Variants in LARP4 observed in about 807,000 individuals in gnomAD.
LARP4 encodes La ribonucleoprotein 4.
Under a neutral mutation model 92.9 loss-of-function variants are expected in LARP4, and 29 were observed. The observed-to-expected ratio is 0.31, with a 90% confidence interval of 0.23 to 0.43. LARP4 has a LOEUF of 0.43. Ranked by LOEUF, LARP4 falls within the 20% of genes least tolerant of loss-of-function variation. The probability of loss-of-function intolerance (pLI) is 1.00; values close to 1 mark genes in which losing one functional copy is unlikely to be tolerated. For synonymous variants in LARP4, 279 were observed against 284.1 expected (o/e 0.98, Z 0.18); for missense variants, 732 against 860.0 (o/e 0.85, Z 1.86).
intron 10 of LARP4, among the ~76,000 whole-genome samples, chr12:50,459,595 G>T (rs1466961804): frequency 6.6e-6 from 1 of 152,114 alleles, no homozygotes; most frequent in Non-Finnish European, 1.5e-5. Context: ...GGAGGCCGAG[G>T]TGAGCAGATC....
chr12:50,448,740 G>GTC (rs1241288757), intron 8 of LARP4, among the ~76,000 whole-genome samples: 2 of 151,938 alleles, frequency 1.3e-5, no homozygotes, highest in Non-Finnish European at 2.9e-5. Flanking sequence ...GGCCAGGCTG[G>GTC]TCTCAAACTC....
At chr12:50,402,960 T>A (rs1390904157) in intron 1 of LARP4, 1 of 370,060 alleles carries the variant, frequency 2.7e-6, no homozygotes, top group Non-Finnish European at 5.3e-6. Flanking sequence ...TATTTGGGGC[T>A]GAATATGTGG....
Position 50,476,059 on chromosome 12 carries a change from G to A in LARP4, c.*195G>A. On this transcript the variant is annotated 3_prime_UTR_variant, in exon 16 of 16. Coordinates refer to ENST00000398473, the MANE Select transcript of LARP4 (RefSeq NM_052879.5). Reference sequence around the variant, plus strand: ...CTAATGTGGTTTTTAAATGCTGGAGGATTCCAATCAATATAAATATATATA... The same window carrying A: ...CTAATGTGGTTTTTAAATGCTGGAGAATTCCAATCAATATAAATATATATA... The A allele has an allele frequency of 2.4e-6, 1 of 423,646 alleles. No individual in the cohort carries two copies. Among genetic ancestry groups the A allele is most frequent in the South Asian group, 5.3e-5 (1 of 19,014 alleles). The allele number at this position is 423,646 out of a possible 1,614,324, so 26.2% of individuals were successfully genotyped here.
At chr12:50,449,791 T>A (rs1191711605) in intron 8 of LARP4, among the ~76,000 whole-genome samples, 1 of 152,134 alleles carries the variant, frequency 6.6e-6, no homozygotes, top group Non-Finnish European at 1.5e-5. Context: ...TTTTTAAAAG[T>A]GTTGATTTTT....
At position 50,476,592 on chromosome 12, in the gene LARP4, A is replaced by G. The variant is rs1957548256; in HGVS notation, c.*728A>G. 6.6e-6 allele frequency: 1 copy of G among 152,618 alleles called. No homozygotes were observed. Among genetic ancestry groups the G allele is most frequent in the South Asian group, 2.1e-4 (1 of 4,830 alleles). The allele number at this position is 152,618 out of a possible 1,614,324, so 9.5% of individuals were successfully genotyped here. ...GTGACTACCAATCAGTTTGATACTC[A>G]AGGAAAGGGGGTTATTCAAGAAATT... On this transcript the variant is annotated 3_prime_UTR_variant, in exon 16 of 16. Coordinates refer to ENST00000398473, the MANE Select transcript of LARP4 (RefSeq NM_052879.5).
intron 1 of LARP4, chr12:50,401,255 A>T (rs1943765685): frequency 1.7e-6 from 1 of 594,854 alleles, no homozygotes; most frequent in Non-Finnish European, 3.0e-6. Context: ...TTGAAGGAGA[A>T]AAACGGAGGG....
chr12:50,468,463 T>C (rs1212967361), intron 13 of LARP4, among the ~76,000 whole-genome samples: 1 of 151,530 alleles, frequency 6.6e-6, no homozygotes, highest in Non-Finnish European at 1.5e-5. Context: ...CCGGCTAATT[T>C]TTTTTTTGTA....
intron 12 of LARP4, 89 bp downstream of exon 12, chr12:50,462,719 G>A (rs1009025571): frequency 2.5e-5 from 23 of 922,150 alleles, no homozygotes; most frequent in Non-Finnish European, 3.2e-5. Context: ...CTGGGTTTTT[G>A]TTTTATTGAT....
At chr12:50,445,847 A>G (rs1168035066) in intron 8 of LARP4, among the ~76,000 whole-genome samples, 2 of 152,122 alleles carry the variant, frequency 1.3e-5, no homozygotes, top group East Asian at 3.9e-4. Flanking sequence ...CCATGAATAT[A>G]TGTACTTGTA....
At chr12:50,425,922 C>A (rs138584347) in intron 1 of LARP4, among the ~76,000 whole-genome samples, 1 of 152,282 alleles carries the variant, frequency 6.6e-6, no homozygotes, top group East Asian at 1.9e-4. Flanking sequence ...TCTTCCCCTG[C>A]CGGATTCCAG....
At chr12:50,406,413 C>T (rs756313976) in intron 1 of LARP4, among the ~76,000 whole-genome samples, 9 of 151,244 alleles carry the variant, frequency 6.0e-5, no homozygotes, top group Non-Finnish European at 1.0e-4. Flanking sequence ...GCCAGGAGAT[C>T]GAGGCTGCAG....
Position 50,432,500 on chromosome 12 carries a change from T to G in LARP4, c.398+1930T>G, listed in dbSNP as rs1949803578. Among the ~76,000 whole-genome samples the G allele has an allele frequency of 1.3e-5, 2 of 152,176 alleles. 1 individual carries two copies. Among genetic ancestry groups the G allele is most frequent in the Admixed American group, 1.3e-4 (2 of 15,268 alleles). ...CTAATCTTACAAAACCAAGGAGATT[T>G]AGATCTCTAATACAGAGGTTTGAGA... is the stretch of plus-strand genomic sequence containing the variant. On this transcript the variant is annotated intron_variant, in intron 4 of 15. Coordinates refer to ENST00000398473, the MANE Select transcript of LARP4 (RefSeq NM_052879.5).
rs557119948 is a variant in LARP4, at chr12:50,421,042, T to G, written c.19-6720T>G. ...TCGGCTCACTGCAACCTCCACCTCC[T>G]GGGTTCAAGCGATTCTACTGCCTCA... is the stretch of plus-strand genomic sequence containing the variant. On this transcript the variant is annotated intron_variant, in intron 1 of 15. Transcript: ENST00000398473. Among the ~76,000 whole-genome samples the G allele has an allele frequency of 6.8e-5, 9 of 133,026 alleles. No homozygotes were observed. The South Asian group carries it at 2.3e-3, about 34-fold the overall frequency. The allele number at this position is 133,026 out of a possible 152,430, so 87.3% of individuals were successfully genotyped here. A position where few individuals can be genotyped will look rare whatever the true frequency, so the allele number is the denominator to read the frequency against.
chr12:50,475,749 G>A lies in LARP4; in HGVS notation c.2060G>A (p.Gly687Glu). 6.2e-7 allele frequency: 1 copy of A among 1,614,106 alleles called. No homozygotes were observed. Residue 687 changes from glycine to glutamate, a missense_variant, in exon 16 of 16, where the codon GGA becomes GAA. By Grantham distance (98) the Gly-to-Glu change is moderately conservative. Coordinates refer to ENST00000398473, the MANE Select transcript of LARP4 (RefSeq NM_052879.5). ...TTCCGAGGCAATATAATCCCCAGGGGAGCAGCAGGAAAAATCAGGGAACAG... is the reference window on the plus strand; with the variant it reads ...TTCCGAGGCAATATAATCCCCAGGGAAGCAGCAGGAAAAATCAGGGAACAG... ...SGFRGNIIPR[G>E]AAGKIREQRR...
At chr12:50,453,771 A>G (rs1401863210) in intron 9 of LARP4, 99 bp downstream of exon 9, 5 of 747,624 alleles carry the variant, frequency 6.7e-6, no homozygotes, top group African/African-American at 3.6e-5. Context: ...GTTGACATTG[A>G]TGACTTTTTG....
At chr12:50,410,396 A>G (rs1945651707) in intron 1 of LARP4, among the ~76,000 whole-genome samples, 1 of 149,588 alleles carries the variant, frequency 6.7e-6, no homozygotes, top group East Asian at 2.0e-4. Flanking sequence ...CTATTAATAC[A>G]GGATTCTTTA....
At chr12:50,401,247 G>A in intron 1 of LARP4, 2 of 619,208 alleles carry the variant, frequency 3.2e-6, no homozygotes, top group East Asian at 2.7e-5. Context: ...GAGAAGAATT[G>A]AAGGAGAAAA....
In LARP4 at chr12:50,459,524, T is replaced by G. The variant is rs1355125241; in HGVS notation, c.1122-1611T>G. On this transcript the variant is annotated intron_variant, in intron 10 of 15. Transcript: ENST00000398473. ...GTTTTTACTCCCATTAGCGTGGTTT[T>G]GCTTCCATTAAGAATGCATAGCTGG... Among the ~76,000 whole-genome samples the G allele has an allele frequency of 2.0e-5, 3 of 152,222 alleles. No homozygotes were observed. In the East Asian group the frequency reaches 5.8e-4, roughly 29 times the overall value.
chr12:50,422,861 T>C (rs1948063564), intron 1 of LARP4, among the ~76,000 whole-genome samples: 1 of 150,632 alleles, frequency 6.6e-6, no homozygotes, highest in Non-Finnish European at 1.5e-5. Context: ...TCTGTCGCCC[T>C]GGCTGGAGTG....
Sources: gnomAD v4.1 joint callset for allele counts (sites outside exome capture counted in the v4.1 genomes callset) on GRCh38, gnomAD v4.1.1 for gene constraint, MANE v1.5 for transcripts, NCBI Gene and HGNC (gene_info 2026-07-23, HGNC 2026-07-21) for gene names.